Variants in PSME3 observed in about 807,000 individuals in gnomAD.
The protein encoded by PSME3 is proteasome activator complex subunit 3.
A neutral mutation model predicts 38.3 loss-of-function variants in PSME3; 7 were observed. The ratio of observed to expected loss-of-function variants is 0.18; its 90% CI spans 0.10 to 0.34. PSME3 has a LOEUF of 0.34. Among genes scored for constraint, PSME3 ranks in the 10% least tolerant of loss-of-function variants. PSME3 has a pLI of 1.00. For synonymous variants in PSME3, 108 were observed against 105.7 expected (o/e 1.02, Z -0.13); for missense variants, 192 against 307.6 (o/e 0.62, Z 2.81).
At position 42,842,797 on chromosome 17, in the gene PSME3, A is replaced by C. The variant is rs1025689318; in HGVS notation, c.*1219A>C. The C allele has an allele frequency of 1.8e-4, 27 of 152,778 alleles. No individual in the cohort carries two copies. The highest frequency in any genetic ancestry group is 6.5e-4 in the African/African-American group (27 of 41,454). The allele number at this position is 152,778 out of a possible 1,614,324, so 9.5% of individuals were successfully genotyped here. A position where few individuals can be genotyped will look rare whatever the true frequency, so the allele number is the denominator to read the frequency against. On this transcript the variant is annotated 3_prime_UTR_variant, in exon 11 of 11. Coordinates refer to ENST00000590720, the MANE Select transcript of PSME3 (RefSeq NM_005789.4). ...CTTAATTGTTAACAGCTTTTGTGTT[A>C]ATCCCCTTCAGCCCCTAGCTCTTTT...
rs1015900999 is a variant in PSME3, at chr17:42,839,090, C to T, written c.543-22C>T. The T allele has an allele frequency of 3.1e-6, 5 of 1,588,400 alleles. No homozygotes were observed. The African/African-American group carries it at 6.7e-5, about 21-fold the overall frequency. On this transcript the variant is annotated intron_variant, in intron 8 of 10. Coordinates refer to ENST00000590720, the MANE Select transcript of PSME3 (RefSeq NM_005789.4). ...ACCATCAAGGGTCTCCTGCATCTTCCTCCTCTTCTCTCTCTTTCCAGATAT... is the reference window on the plus strand; with the variant it reads ...ACCATCAAGGGTCTCCTGCATCTTCTTCCTCTTCTCTCTCTTTCCAGATAT...
At position 42,838,826 on chromosome 17, in the gene PSME3, A is replaced by T. The variant is rs751571396; in HGVS notation, c.474+27A>T. ...TAATGTACTTGAATTACATACTGGG[A>T]AGAGTGGCTTGGGAGATACTCTCAT... On this transcript the variant is annotated intron_variant, in intron 7 of 10. Transcript: ENST00000590720. 49 of 1,580,602 alleles carry T rather than the reference A, an allele frequency of 3.1e-5. 1 individual carries two copies. In the South Asian group the frequency reaches 5.4e-4, roughly 17 times the overall value.
intron 5 of PSME3, 136 bp from the exon 6 acceptor site, chr17:42,837,957 A>G: frequency 1.0e-6 from 1 of 968,452 alleles, no homozygotes; most frequent in South Asian, 1.4e-5. Context: ...CGTTGATTCT[A>G]ATAGTGGTGT....
chr17:42,843,122 C>G lies in PSME3; in HGVS notation c.*1544C>G, dbSNP rs952141694. The G allele has an allele frequency of 6.5e-6, 1 of 152,736 alleles. No homozygotes were observed. The highest frequency in any genetic ancestry group is 1.5e-5 in the Non-Finnish European group (1 of 68,048). 9.5% of individuals were successfully genotyped at this position (152,736 alleles called of 1,614,324 possible). A position where few individuals can be genotyped will look rare whatever the true frequency, so the allele number is the denominator to read the frequency against. On this transcript the variant is annotated 3_prime_UTR_variant, in exon 11 of 11. Coordinates refer to ENST00000590720, the MANE Select transcript of PSME3 (RefSeq NM_005789.4). ...CCATGTGTTTCTCAGTTTCCCGTTT[C>G]GTTTGTTGGACTGTTCCACTGCCCC...
Position 42,839,257 on chromosome 17 carries a change from C to G in PSME3, c.598-37C>G, listed in dbSNP as rs373515453. 8.2e-6 allele frequency: 13 copies of G among 1,587,306 alleles called. No homozygotes were observed. In the African/African-American group the frequency reaches 1.8e-4, roughly 21 times the overall value. On this transcript the variant is annotated intron_variant, in intron 9 of 10. Transcript: ENST00000590720. ...AAGGAGCTGTCTGGAAACAATTGGG[C>G]TTTGGGGACTAGCTTTTTCCTGTAC...
In PSME3 at chr17:42,833,577, C is replaced by T; in HGVS notation, c.-55C>T. Reference sequence around the variant, plus strand: ...TTCTCAGGTCCCTCCGGCCCCCTCCCTGGAGTCCACAGCGCCTCCGGTGTC... The same window carrying T: ...TTCTCAGGTCCCTCCGGCCCCCTCCTTGGAGTCCACAGCGCCTCCGGTGTC... On this transcript the variant is annotated 5_prime_UTR_variant, in exon 1 of 11. Transcript: ENST00000590720. 1.9e-6 allele frequency: 3 copies of T among 1,612,154 alleles called. No homozygotes were observed. The African/African-American group carries it at 4.0e-5, about 21-fold the overall frequency.
chr17:42,835,027 TTTATTTC>T, intron 4 of PSME3, 151 bp downstream of exon 4: 1 of 1,109,402 alleles, frequency 9.0e-7, no homozygotes, highest in Non-Finnish European at 1.2e-6. Context: ...GTATAGTTCT[TTTATTTC>T]TTATTTATTT....
At chr17:42,839,225 T>TAC in intron 9 of PSME3, 59 bp downstream of exon 9, 1 of 1,563,318 alleles carries the variant, frequency 6.4e-7, no homozygotes, top group Non-Finnish European at 8.8e-7. Flanking sequence ...GAGTGACTGT[T>TAC]ACTGGGAAGG....
chr17:42,843,569 TC>T lies in PSME3; in HGVS notation c.*1993del, dbSNP rs2055560589. 6.6e-6 allele frequency: 1 copy of T among 152,328 alleles called. No homozygotes were observed. The highest frequency in any genetic ancestry group is 1.5e-5 in the Non-Finnish European group (1 of 68,048). The allele number at this position is 152,328 out of a possible 1,614,324, so 9.4% of individuals were successfully genotyped here. On this transcript the variant is annotated 3_prime_UTR_variant, in exon 11 of 11. Coordinates refer to ENST00000590720, the MANE Select transcript of PSME3 (RefSeq NM_005789.4). The stretch of plus-strand genomic sequence containing the variant: ...AACTGCCAGTAGAGGCTGCTATCGT[TC>T]CATGTGTAAGGAATGAACTGGTTCA...
chr17:42,834,160 C>G, intron 1 of PSME3, 184 bp from the exon 2 acceptor site: 1 of 1,504,562 alleles, frequency 6.6e-7, no homozygotes, highest in South Asian at 1.3e-5. Flanking sequence ...GTGCTGTCCT[C>G]AAAGCCCTGC....
chr17:42,835,983 T>C (rs568477419), intron 4 of PSME3, among the ~76,000 whole-genome samples: 1 of 151,458 alleles, frequency 6.6e-6, no homozygotes, highest in Non-Finnish European at 1.5e-5. Flanking sequence ...CTTGTACATC[T>C]GGAAGGCAGG....
chr17:42,837,984 C>T (rs1284906807), intron 5 of PSME3, 109 bp from the exon 6 acceptor site: 9 of 1,204,358 alleles, frequency 7.5e-6, no homozygotes, highest in African/African-American at 3.0e-5. Flanking sequence ...AGGATTGTGA[C>T]AAAGGCAGAG....
intron 3 of PSME3, 30 bp downstream of exon 3, chr17:42,834,607 C>T (rs1465709653): frequency 6.2e-7 from 1 of 1,612,246 alleles, no homozygotes; most frequent in Non-Finnish European, 8.5e-7. Context: ...CCTCAAATTC[C>T]CCAATTTTTT....
At position 42,833,515 on chromosome 17, in the gene PSME3, C is replaced by T; in HGVS notation, c.-117C>T. 1 of 1,329,996 alleles carries T rather than the reference C, an allele frequency of 7.5e-7. No individual in the cohort carries two copies. The highest frequency in any genetic ancestry group is 1.9e-5 in the Admixed American group (1 of 53,038). 82.4% of individuals were successfully genotyped at this position (1,329,996 alleles called of 1,614,324 possible). On this transcript the variant is annotated 5_prime_UTR_variant, in exon 1 of 11. Transcript: ENST00000590720. ...AGGGAGCGAGCGAGCAGTGAGTAAG[C>T]CAGCAAGGGCGGTCGGGTCCCGAGG... is the stretch of plus-strand genomic sequence containing the variant.
intron 4 of PSME3, among the ~76,000 whole-genome samples, chr17:42,836,334 C>T (rs2055463443): frequency 6.6e-6 from 1 of 152,084 alleles, no homozygotes; most frequent in South Asian, 2.1e-4. Flanking sequence ...TTTGTATTCC[C>T]AGCACCTAGT....
rs763328042 is a variant in PSME3, at chr17:42,841,578, A to AGGCCAG, written c.*15_*20dup. 89 of 1,597,244 alleles carry AGGCCAG rather than the reference A, an allele frequency of 5.6e-5. No homozygotes were observed. The highest frequency in any genetic ancestry group is 1.7e-4 in the Middle Eastern group (1 of 6,030). ...GCAGCAATGCAGAGACTCTGTACTG[A>AGGCCAG]GGCCAGGGCCAGGGCCAGGGGACTC... On this transcript the variant is annotated 3_prime_UTR_variant, in exon 11 of 11. Coordinates refer to ENST00000590720, the MANE Select transcript of PSME3 (RefSeq NM_005789.4).
Position 42,838,793 on chromosome 17 carries a change from C to G in PSME3, c.468C>G (p.Ser156=), listed in dbSNP as rs1344850696. ...RIEDGNNFGV[S]IQEETVAELR... ...AAGATGGAAACAACTTTGGGGTGTC[C>G]ATTCAGGTAATGTACTTGAATTACA... The change falls in exon 7 of 11, where the codon TCC becomes TCG. Residue 156 remains serine, a synonymous_variant. Transcript: ENST00000590720. 1 of 1,602,826 alleles carries G rather than the reference C, an allele frequency of 6.2e-7. No individual in the cohort carries two copies. Among genetic ancestry groups the G allele is most frequent in the African/African-American group, 1.3e-5 (1 of 74,592 alleles).
chr17:42,841,805 C>T lies in PSME3; in HGVS notation c.*227C>T, dbSNP rs1233960019. On this transcript the variant is annotated 3_prime_UTR_variant, in exon 11 of 11. Coordinates refer to ENST00000590720, the MANE Select transcript of PSME3 (RefSeq NM_005789.4). ...CCTTCCCTAATACCCCACACCCAACCTGTCGTAATTTCTGGAGAACTCCAG... is the reference window on the plus strand; with the variant it reads ...CCTTCCCTAATACCCCACACCCAACTTGTCGTAATTTCTGGAGAACTCCAG... The T allele has an allele frequency of 7.8e-6, 3 of 383,186 alleles. No homozygotes were observed. The highest frequency in any genetic ancestry group is 6.2e-5 in the African/African-American group (3 of 48,020). The allele number at this position is 383,186 out of a possible 1,614,324, so 23.7% of individuals were successfully genotyped here.
intron 7 of PSME3, 67 bp downstream of exon 7, chr17:42,838,866 CT>C (rs1597955068): frequency 5.0e-6 from 8 of 1,589,498 alleles, no homozygotes; most frequent in Non-Finnish European, 5.2e-6. Context: ...CCTGCGTTAC[CT>C]TTTTTTCCTT....
Sources: allele counts gnomAD v4.1 joint callset (sites outside exome capture counted in the v4.1 genomes callset), GRCh38; gene constraint gnomAD v4.1.1; transcripts MANE v1.5; gene names NCBI Gene and HGNC (gene_info 2026-07-23, HGNC 2026-07-21).